Variants in EEF1AKMT2 observed in about 807,000 individuals in gnomAD.
EEF1AKMT2 encodes EEF1A lysine methyltransferase 2.
Under a neutral mutation model 35.8 loss-of-function variants are expected in EEF1AKMT2, and 32 were observed. That is an observed-to-expected ratio of 0.89 (90% confidence interval 0.67 to 1.20). EEF1AKMT2 has a LOEUF of 1.20. Among genes scored for constraint, EEF1AKMT2 ranks in the 50% most tolerant of loss-of-function variants. The pLI, the probability that EEF1AKMT2 is intolerant of heterozygous loss-of-function variation, is 0.00. For synonymous variants in EEF1AKMT2, 121 were observed against 133.7 expected (o/e 0.91, Z 0.65); for missense variants, 330 against 347.5 (o/e 0.95, Z 0.40).
chr10:124,772,580 C>G (rs1262515876), intron 4 of EEF1AKMT2, among the ~76,000 whole-genome samples: 1 of 152,140 alleles, frequency 6.6e-6, no homozygotes, highest in Non-Finnish European at 1.5e-5. Flanking sequence ...AGACACCCAC[C>G]ACCATGCCCA....
chr10:124,774,988 A>G (rs989547735), intron 3 of EEF1AKMT2: 1 of 223,532 alleles, frequency 4.5e-6, no homozygotes, highest in African/African-American at 2.3e-5. Flanking sequence ...TTGTTTTCAT[A>G]ATATTTTATC....
intron 3 of EEF1AKMT2, among the ~76,000 whole-genome samples, chr10:124,781,362 C>T (rs1314380921): frequency 6.6e-6 from 1 of 151,440 alleles, no homozygotes; most frequent in South Asian, 2.1e-4. Context: ...GCAGATCATC[C>T]GAGGTCAGAA....
intron 3 of EEF1AKMT2, among the ~76,000 whole-genome samples, chr10:124,778,730 A>AG (rs1470998727): frequency 1.3e-5 from 2 of 151,868 alleles, no homozygotes; most frequent in Non-Finnish European, 2.9e-5. Flanking sequence ...ACCAAAAAAA[A>AG]AAAAAAAGAA....
chr10:124,765,421 T>C lies in EEF1AKMT2; in HGVS notation c.587A>G (p.Lys196Arg), dbSNP rs1950370402. ...ACTGAATTCATTTAGCAACTCTTCC[T>C]TGGTCCAATTACATGACGTTATTAG... is the stretch of plus-strand genomic sequence containing the variant. The part of the protein sequence containing the change: ...FFLITSCNWT[K>R]EELLNEFSEG... Residue 196 changes from lysine to arginine, a missense_variant, in exon 5 of 7, where the codon AAG (lysine) becomes AGG (arginine). By Grantham distance (26) the Lys-to-Arg change is conservative. Transcript: ENST00000368836. The C allele has an allele frequency of 3.7e-6, 6 of 1,613,986 alleles. No homozygotes were observed. The highest frequency in any genetic ancestry group is 5.1e-6 in the Non-Finnish European group (6 of 1,179,952).
intron 3 of EEF1AKMT2, chr10:124,782,958 AAC>A (rs1950555621): frequency 2.3e-6 from 1 of 431,462 alleles, no homozygotes; most frequent in Non-Finnish European, 4.6e-6. Context: ...AATAACTACC[AAC>A]TATATGCTGG....
At chr10:124,760,527 T>C in intron 6 of EEF1AKMT2, 24 bp from the exon 7 acceptor site, 5 of 1,588,192 alleles carry the variant, frequency 3.1e-6, no homozygotes, top group Non-Finnish European at 4.3e-6. Context: ...TTTAAATACT[T>C]TTATTAAGAA....
At chr10:124,791,595 G>A (rs1045912773) in intron 1 of EEF1AKMT2, 129 bp downstream of exon 1, 2 of 1,321,834 alleles carry the variant, frequency 1.5e-6, no homozygotes, top group African/African-American at 1.5e-5. Context: ...CCCGCCAGGT[G>A]GCCCTGCTCC....
chr10:124,775,545 GT>G (rs141185973), intron 3 of EEF1AKMT2, among the ~76,000 whole-genome samples: 16,893 of 152,116 alleles, frequency 0.11, 1,301 homozygotes, highest in Non-Finnish European at 0.16. Context: ...GAAAAACAAA[GT>G]AAGTTACAAA....
At chr10:124,778,710 G>C (rs1234214550) in intron 3 of EEF1AKMT2, among the ~76,000 whole-genome samples, 1 of 138,744 alleles carries the variant, frequency 7.2e-6, no homozygotes, top group Non-Finnish European at 1.5e-5. Context: ...GTGACGGCGT[G>C]AGACTCCGTA....
At chr10:124,764,773 A>G (rs1388541065) in intron 5 of EEF1AKMT2, among the ~76,000 whole-genome samples, 1 of 152,248 alleles carries the variant, frequency 6.6e-6, no homozygotes, top group Non-Finnish European at 1.5e-5. Flanking sequence ...CATTTGCATT[A>G]TTATGGATTT....
At chr10:124,764,934 C>T (rs1032301405) in intron 5 of EEF1AKMT2, among the ~76,000 whole-genome samples, 8 of 152,196 alleles carry the variant, frequency 5.3e-5, no homozygotes, top group Non-Finnish European at 2.9e-5. Flanking sequence ...ATGTGTCTCA[C>T]TCTGTCACCC....
In EEF1AKMT2 at chr10:124,767,241, C is replaced by T. The variant is rs550944249; in HGVS notation, c.400-1633G>A. ...AAACATACCTTATATTGGCCGGGCG[C>T]AGTGGCTCACGCCTGTAATCCCAAC... On this transcript the variant is annotated intron_variant, in intron 4 of 6. Transcript: ENST00000368836. Among the ~76,000 whole-genome samples, 3 of 148,792 alleles carry T rather than the reference C, an allele frequency of 2.0e-5. No individual in the cohort carries two copies. In the East Asian group the frequency reaches 6.0e-4, roughly 30 times the overall value.
At chr10:124,776,676 T>A (rs1950490109) in intron 3 of EEF1AKMT2, among the ~76,000 whole-genome samples, 1 of 151,758 alleles carries the variant, frequency 6.6e-6, no homozygotes, top group Non-Finnish European at 1.5e-5. Flanking sequence ...GTGCCTGTAA[T>A]CCCAGCTACT....
intron 1 of EEF1AKMT2, among the ~76,000 whole-genome samples, chr10:124,790,856 C>T (rs1257597995): frequency 3.3e-5 from 5 of 152,206 alleles, no homozygotes; most frequent in Admixed American, 3.3e-4. Context: ...CCTCCGCCTC[C>T]CGGGTTCAAG....
At chr10:124,773,053 C>G (rs1358433349) in intron 4 of EEF1AKMT2, among the ~76,000 whole-genome samples, 2 of 152,218 alleles carry the variant, frequency 1.3e-5, no homozygotes, top group East Asian at 1.9e-4. Context: ...AGCTTTTGGC[C>G]TATCGCGGTT....
chr10:124,776,863 G>C (rs199707042), intron 3 of EEF1AKMT2, among the ~76,000 whole-genome samples: 1 of 136,030 alleles, frequency 7.4e-6, no homozygotes, highest in East Asian at 2.2e-4. Context: ...GGGTGGGCTT[G>C]ATAGCAGACT....
At chr10:124,778,629 C>A (rs1950509191) in intron 3 of EEF1AKMT2, among the ~76,000 whole-genome samples, 1 of 149,410 alleles carries the variant, frequency 6.7e-6, no homozygotes, top group African/African-American at 2.5e-5. Context: ...GAGACTGAGG[C>A]AAGAGAATCA....
chr10:124,763,787 T>C (rs1950352878), intron 5 of EEF1AKMT2, among the ~76,000 whole-genome samples: 1 of 152,124 alleles, frequency 6.6e-6, no homozygotes, highest in Non-Finnish European at 1.5e-5. Context: ...GAAAGAAACT[T>C]GCCCTACACA....
chr10:124,763,298 G>A (rs1023526327), intron 5 of EEF1AKMT2, among the ~76,000 whole-genome samples: 1 of 152,108 alleles, frequency 6.6e-6, no homozygotes, highest in Non-Finnish European at 1.5e-5. Flanking sequence ...CAAAGTATTT[G>A]TACAATCAGG....
Sources: gnomAD v4.1 joint callset for allele counts (sites outside exome capture counted in the v4.1 genomes callset) on GRCh38, gnomAD v4.1.1 for gene constraint, MANE v1.5 for transcripts, NCBI Gene and HGNC (gene_info 2026-07-23, HGNC 2026-07-21) for gene names.